Variants in GALNT10 observed in about 807,000 individuals in gnomAD.
The protein encoded by GALNT10 is polypeptide N-acetylgalactosaminyltransferase 10.
In GALNT10, 41 loss-of-function variants were observed where a neutral mutation model predicts 75.0. The ratio of observed to expected loss-of-function variants is 0.55; its 90% CI spans 0.43 to 0.71. GALNT10 has a LOEUF of 0.71. GALNT10 is among the 30% of genes least tolerant of loss of function. GALNT10 has a pLI of 0.00. For synonymous variants in GALNT10, 302 were observed against 313.0 expected (o/e 0.96, Z 0.37); for missense variants, 727 against 818.5 (o/e 0.89, Z 1.36).
rs1261615850 is a variant in GALNT10 at position 154,352,688 on chromosome 5, C to G, written c.568+22950C>G. On this transcript the variant is annotated intron_variant, in intron 4 of 11. Transcript: ENST00000297107. This position sits in a 1 kb window ranked among gnomAD's most constrained non-coding sequence, Gnocchi z 4.4. Reference sequence around the variant, plus strand: ...AATTGGCCTTGGACCTGTCCCTGTCCTGTGCCATTTTTGAAAATTTTGTCA... The same window carrying G: ...AATTGGCCTTGGACCTGTCCCTGTCGTGTGCCATTTTTGAAAATTTTGTCA... Among the ~76,000 whole-genome samples, 1 of 152,120 alleles carries G rather than the reference C, an allele frequency of 6.6e-6. No homozygotes were observed. Among genetic ancestry groups the G allele is most frequent in the African/African-American group, 2.4e-5 (1 of 41,422 alleles).
At chr5:154,371,698 G>T (rs763966747) in intron 4 of GALNT10, among the ~76,000 whole-genome samples, 2 of 152,084 alleles carry the variant, frequency 1.3e-5, no homozygotes, top group Non-Finnish European at 2.9e-5. Context: ...GCTTTCCCTA[G>T]GTCTCAGTTT....
At chr5:154,331,897 T>C (rs1488468609) in intron 4 of GALNT10, among the ~76,000 whole-genome samples, 1 of 152,158 alleles carries the variant, frequency 6.6e-6, no homozygotes, top group Non-Finnish European at 1.5e-5. Context: ...ATATATTCTC[T>C]CATTTATTCT....
chr5:154,276,231 C>A (rs923086471), intron 1 of GALNT10, among the ~76,000 whole-genome samples: 1 of 152,132 alleles, frequency 6.6e-6, no homozygotes, highest in East Asian at 1.9e-4. Context: ...CTTCCAGACT[C>A]ATTCAGGGTG....
chr5:154,222,519 A>G (rs1752998258), intron 1 of GALNT10, among the ~76,000 whole-genome samples: 3 of 152,204 alleles, frequency 2.0e-5, no homozygotes, highest in South Asian at 4.1e-4. Context: ...GTATATATAT[A>G]TCTTTCTAAG....
intron 7 of GALNT10, chr5:154,403,749 G>T: frequency 3.2e-6 from 1 of 315,566 alleles, no homozygotes; most frequent in Non-Finnish European, 6.0e-6. Flanking sequence ...TTAAATTTTG[G>T]CTCCACCACT....
intron 1 of GALNT10, among the ~76,000 whole-genome samples, chr5:154,236,359 A>C (rs967221294): frequency 7.2e-5 from 11 of 152,352 alleles, no homozygotes; most frequent in Admixed American, 7.2e-4. Flanking sequence ...TGTTACTGTT[A>C]ATGTAACTAT....
intron 3 of GALNT10, among the ~76,000 whole-genome samples, chr5:154,325,118 A>G (rs1282807840): frequency 6.6e-6 from 1 of 152,236 alleles, no homozygotes; most frequent in African/African-American, 2.4e-5. Flanking sequence ...AATCCCTAAA[A>G]ATAAAGAGCT....
At chr5:154,254,522 T>C (rs1369842957) in intron 1 of GALNT10, among the ~76,000 whole-genome samples, 1 of 151,768 alleles carries the variant, frequency 6.6e-6, no homozygotes, top group Non-Finnish European at 1.5e-5. Flanking sequence ...TTTTTTTTTT[T>C]TTCTGTCTCC....
At chr5:154,373,699 C>T (rs1373347111) in intron 4 of GALNT10, among the ~76,000 whole-genome samples, 1 of 152,144 alleles carries the variant, frequency 6.6e-6, no homozygotes, top group African/African-American at 2.4e-5. Context: ...ATGTCCTCAT[C>T]TAGGAAGATG....
intron 8 of GALNT10, among the ~76,000 whole-genome samples, chr5:154,407,449 TA>T (rs1202484517): frequency 6.6e-6 from 1 of 152,172 alleles, no homozygotes; most frequent in East Asian, 1.9e-4. Flanking sequence ...CAATATTAAT[TA>T]AAATGGTAAT....
chr5:154,282,332 T>C (rs1371613001), intron 1 of GALNT10, among the ~76,000 whole-genome samples: 1 of 152,236 alleles, frequency 6.6e-6, no homozygotes, highest in African/African-American at 2.4e-5. Flanking sequence ...ACACAAACTT[T>C]GGGGATCATG....
At chr5:154,384,083 C>A (rs1324615094) in intron 6 of GALNT10, among the ~76,000 whole-genome samples, 1 of 152,132 alleles carries the variant, frequency 6.6e-6, no homozygotes, top group Non-Finnish European at 1.5e-5. Context: ...CTCATGAGAA[C>A]TCACTCACTA....
chr5:154,199,916 G>A (rs899514179), intron 1 of GALNT10, among the ~76,000 whole-genome samples: 1 of 152,204 alleles, frequency 6.6e-6, no homozygotes, highest in African/African-American at 2.4e-5. Context: ...GTGTCATGGT[G>A]ATGATTAGAT....
At chr5:154,201,816 C>A (rs939151629) in intron 1 of GALNT10, among the ~76,000 whole-genome samples, 3 of 152,124 alleles carry the variant, frequency 2.0e-5, no homozygotes, top group Non-Finnish European at 4.4e-5. Flanking sequence ...GTAATCCCAG[C>A]TCCTCAGCAG....
intron 1 of GALNT10, among the ~76,000 whole-genome samples, chr5:154,288,417 TGTGTGTG>T (rs1561651114): frequency 9.2e-5 from 12 of 129,970 alleles, no homozygotes; most frequent in Admixed American, 4.3e-4. Flanking sequence ...TTTGTGTGTG[TGTGTGTG>T]TGTGTGTGTG....
At position 154,338,455 on chromosome 5, in the gene GALNT10, T is replaced by C. The variant is rs75251688; in HGVS notation, c.568+8717T>C. On this transcript the variant is annotated intron_variant, in intron 4 of 11. Coordinates refer to ENST00000297107, the MANE Select transcript of GALNT10 (RefSeq NM_198321.4). The stretch of plus-strand genomic sequence containing the variant: ...TTAGCAGACTCTGACTTAGACATGA[T>C]GGCAGTGGGAGGAGACTTTAATGGT... The C allele has an allele frequency of 3.8e-3, 1,167 of 305,972 alleles. 19 individuals are homozygous for C. The highest frequency in any genetic ancestry group is 0.023 in the African/African-American group (1,091 of 46,512). The allele number at this position is 305,972 out of a possible 1,614,324, so 19.0% of individuals were successfully genotyped here.
At chr5:154,405,077 A>AC (rs1426777756) in intron 8 of GALNT10, among the ~76,000 whole-genome samples, 2 of 151,740 alleles carry the variant, frequency 1.3e-5, no homozygotes, top group Non-Finnish European at 2.9e-5. Flanking sequence ...GCTGGAAAGG[A>AC]CCCCCGCACA....
At chr5:154,292,439 G>A (rs28459283) in intron 1 of GALNT10, among the ~76,000 whole-genome samples, 16,700 of 152,208 alleles carry the variant, frequency 0.11, 1,080 homozygotes, top group African/African-American at 0.19. Flanking sequence ...AGTTTGCAGA[G>A]CCTCTAGTCC....
intron 7 of GALNT10, among the ~76,000 whole-genome samples, chr5:154,403,114 AAACT>A (rs1451754384): frequency 6.6e-6 from 1 of 152,226 alleles, no homozygotes; most frequent in Non-Finnish European, 1.5e-5. Flanking sequence ...TCTTTACAGG[AAACT>A]GAGTCTCAGA....
Sources: allele counts gnomAD v4.1 joint callset (sites outside exome capture counted in the v4.1 genomes callset), GRCh38; gene constraint gnomAD v4.1.1; non-coding constraint Gnocchi (gnomAD v3.1); transcripts MANE v1.5; gene names NCBI Gene and HGNC (gene_info 2026-07-23, HGNC 2026-07-21).